Variants in TTC7A observed in about 807,000 individuals in gnomAD.
TTC7A encodes the protein tetratricopeptide repeat protein 7A.
TTC7A carries 110 observed loss-of-function variants against 103.7 expected under a neutral mutation model. The ratio of observed to expected loss-of-function variants is 1.06; its 90% CI spans 0.91 to 1.24. TTC7A has a LOEUF of 1.24. Among genes scored for constraint, TTC7A ranks in the 50% most tolerant of loss-of-function variants. The probability of loss-of-function intolerance (pLI) is 0.00; values close to 1 mark genes in which losing one functional copy is unlikely to be tolerated. For synonymous variants in TTC7A, 521 were observed against 467.9 expected (o/e 1.11, Z -1.47); for missense variants, 1,340 against 1,116.3 (o/e 1.20, Z -2.86).
intron 8 of TTC7A, among the ~76,000 whole-genome samples, chr2:46,996,131 C>T (rs1313724139): frequency 6.6e-6 from 1 of 152,148 alleles, no homozygotes; most frequent in Non-Finnish European, 1.5e-5. Flanking sequence ...TTTGGGTGCT[C>T]AGCAAAGGAG....
At chr2:46,940,362 G>A (rs1309782442), upstream of TTC7A, among the ~76,000 whole-genome samples, 1 of 152,132 alleles carries the variant, frequency 6.6e-6, no homozygotes, top group Non-Finnish European at 1.5e-5. This position sits in a 1 kb window ranked among gnomAD's most constrained non-coding sequence, Gnocchi z 4.7. Context: ...TCTTGCTGTG[G>A]CTTCTCCAGC....
chr2:47,024,318 G>T lies in TTC7A; in HGVS notation c.1600G>T (p.Val534Phe). 6.2e-7 allele frequency: 1 copy of T among 1,609,606 alleles called. No individual in the cohort carries two copies. Among genetic ancestry groups the T allele is most frequent in the Non-Finnish European group, 8.5e-7 (1 of 1,177,944 alleles). ...GCAGCTGGCGCCCAGTGACCCCCAG[G>T]TCATCCTCTATGTCTCGCTGCAGCT... The part of the protein sequence containing the change: ...AQQLAPSDPQ[V>F]ILYVSLQLAL... Residue 534 changes from valine (V) to phenylalanine (F), a missense_variant, in exon 14 of 20, where the codon GTC becomes TTC. Val to Phe is a conservative substitution (Grantham distance 50). Coordinates refer to ENST00000319190, the MANE Select transcript of TTC7A (RefSeq NM_020458.4).
intron 3 of TTC7A, among the ~76,000 whole-genome samples, chr2:46,962,877 G>A (rs1011735275): frequency 1.3e-5 from 2 of 152,266 alleles, no homozygotes; most frequent in Non-Finnish European, 2.9e-5. Context: ...TTGTTTGCCA[G>A]GTTTGGGGTC....
intron 3 of TTC7A, among the ~76,000 whole-genome samples, chr2:46,961,813 G>A (rs1034727925): frequency 6.6e-6 from 1 of 152,050 alleles, no homozygotes; most frequent in Non-Finnish European, 1.5e-5. Flanking sequence ...TACTTGGGAG[G>A]CTGGAGAATC....
At chr2:46,939,533 A>G (rs1670155230), upstream of TTC7A, among the ~76,000 whole-genome samples, 1 of 152,196 alleles carries the variant, frequency 6.6e-6, no homozygotes, top group Non-Finnish European at 1.5e-5. Flanking sequence ...TAAAGCAACA[A>G]GCAGTGATTC....
rs1257574121 is a variant in TTC7A, at chr2:47,075,739, A to C, written c.*1816A>C. The C allele has an allele frequency of 6.6e-6, 1 of 152,386 alleles. No homozygotes were observed. The highest frequency in any genetic ancestry group is 1.5e-5 in the Non-Finnish European group (1 of 68,200). 9.4% of individuals were successfully genotyped at this position (152,386 alleles called of 1,614,324 possible). A position where few individuals can be genotyped will look rare whatever the true frequency, so the allele number is the denominator to read the frequency against. On this transcript the variant is annotated 3_prime_UTR_variant, in exon 20 of 20. Coordinates refer to ENST00000319190, the MANE Select transcript of TTC7A (RefSeq NM_020458.4). ...AGGATGGGAGGGAGGACCCTCTGGG[A>C]AAATGTGGATTTGAGCTGGTGAGAG...
At chr2:46,981,556 A>G (rs1431210682) in intron 5 of TTC7A, among the ~76,000 whole-genome samples, 2 of 152,236 alleles carry the variant, frequency 1.3e-5, no homozygotes, top group Non-Finnish European at 2.9e-5. Flanking sequence ...CCATGGCCAA[A>G]TAAGTTTGGG....
chr2:47,058,436 TC>T (rs1683497695), intron 18 of TTC7A, among the ~76,000 whole-genome samples: 1 of 152,252 alleles, frequency 6.6e-6, no homozygotes, highest in Non-Finnish European at 1.5e-5. Flanking sequence ...GTTAGGCCTC[TC>T]CTGCTGCCTA....
At chr2:47,033,031 C>G (rs1216991523) in intron 15 of TTC7A, among the ~76,000 whole-genome samples, 1 of 152,102 alleles carries the variant, frequency 6.6e-6, no homozygotes, top group East Asian at 1.9e-4. Flanking sequence ...CTGTTCCCCA[C>G]AGATGAAACC....
chr2:46,994,371 C>T lies in TTC7A; in HGVS notation c.858C>T (p.His286=), dbSNP rs1675933580. 6.2e-7 allele frequency: 1 copy of T among 1,612,744 alleles called. No individual in the cohort carries two copies. Among genetic ancestry groups the T allele is most frequent in the South Asian group, 1.1e-5 (1 of 90,956 alleles). Residue 286 remains histidine, a synonymous_variant, in exon 7 of 20, where the codon CAC becomes CAT. Coordinates refer to ENST00000319190, the MANE Select transcript of TTC7A (RefSeq NM_020458.4). ...CTCTCTGCCAGATGGCGGCCAAGCA[C>T]CTGGCGGGGGTCCTGCTGCACTCCC... ...TQNFKVMAAK[H]LAGVLLHSLS...
chr2:46,956,940 T>A lies in TTC7A; in HGVS notation c.450T>A (p.Asp150Glu), dbSNP rs748520590. ...AISMYARAGI[D>E]DMSMENKPLY... Reference sequence around the variant, plus strand: ...GCATGTACGCACGGGCCGGGATTGATGACATGTCCATGGAGAACAAGCCCC... The same window carrying A: ...GCATGTACGCACGGGCCGGGATTGAAGACATGTCCATGGAGAACAAGCCCC... The change falls in exon 3 of 20, where the codon GAT (aspartate) becomes GAA (glutamate). Residue 150 changes from aspartate (D) to glutamate (E), a missense_variant. Coordinates refer to ENST00000319190, the MANE Select transcript of TTC7A (RefSeq NM_020458.4). 3 of 1,614,158 alleles carry A rather than the reference T, an allele frequency of 1.9e-6. No individual in the cohort carries two copies. Among genetic ancestry groups the A allele is most frequent in the East Asian group, 2.2e-5 (1 of 44,878 alleles).
intron 19 of TTC7A, among the ~76,000 whole-genome samples, chr2:47,070,850 A>G (rs1684623226): frequency 6.6e-6 from 1 of 152,174 alleles, no homozygotes; most frequent in Admixed American, 6.5e-5. Flanking sequence ...AACAACTTGG[A>G]CATCACTTTC....
chr2:47,049,345 C>A (rs1258160530), intron 16 of TTC7A, among the ~76,000 whole-genome samples: 1 of 151,852 alleles, frequency 6.6e-6, no homozygotes, highest in Non-Finnish European at 1.5e-5. Flanking sequence ...AAAAGAGGAA[C>A]CCCTCCCCCC....
intron 8 of TTC7A, among the ~76,000 whole-genome samples, chr2:47,000,291 C>T (rs532150689): frequency 6.6e-6 from 1 of 151,012 alleles, no homozygotes; most frequent in East Asian, 1.9e-4. Flanking sequence ...GGGCTTGATT[C>T]CATTAGGGAT....
intron 2 of TTC7A, among the ~76,000 whole-genome samples, chr2:46,926,911 C>T (rs956752508): frequency 2.6e-5 from 4 of 151,790 alleles, no homozygotes; most frequent in Non-Finnish European, 5.9e-5. Context: ...CTAAAAGCTA[C>T]AAAAAGTAAC....
chr2:47,060,416 A>G (rs1321994125), intron 18 of TTC7A, among the ~76,000 whole-genome samples: 1 of 152,166 alleles, frequency 6.6e-6, no homozygotes, highest in Non-Finnish European at 1.5e-5. Flanking sequence ...GCAGTGAGCC[A>G]TGGTCATACC....
At chr2:46,923,313 A>C (rs564227883) in intron 2 of TTC7A, among the ~76,000 whole-genome samples, 13 of 152,270 alleles carry the variant, frequency 8.5e-5, no homozygotes, top group Non-Finnish European at 1.6e-4. Flanking sequence ...AAGAGTCCCA[A>C]CCTTCTAATC....
chr2:46,938,326 C>G (rs1670081189), upstream of TTC7A, among the ~76,000 whole-genome samples: 1 of 152,118 alleles, frequency 6.6e-6, no homozygotes, highest in Non-Finnish European at 1.5e-5. Flanking sequence ...TAAACTTGAT[C>G]ACTATTATAC....
At chr2:46,969,017 C>G (rs1251751441) in intron 3 of TTC7A, among the ~76,000 whole-genome samples, 1 of 151,716 alleles carries the variant, frequency 6.6e-6, no homozygotes, top group African/African-American at 2.4e-5. Flanking sequence ...GATCCCCTGC[C>G]TCAGCTCCCA....
Sources: gnomAD v4.1 joint callset for allele counts (sites outside exome capture counted in the v4.1 genomes callset) on GRCh38, gnomAD v4.1.1 for gene constraint, Gnocchi (gnomAD v3.1) non-coding constraint, MANE v1.5 for transcripts, NCBI Gene and HGNC (gene_info 2026-07-23, HGNC 2026-07-21) for gene names.